ARHGEF38: variants seen among roughly 807,000 people sequenced by gnomAD.
The protein encoded by ARHGEF38 is Rho guanine nucleotide exchange factor 38.
A neutral mutation model predicts 79.9 loss-of-function variants in ARHGEF38; 79 were observed. The ratio of observed to expected loss-of-function variants is 0.99; its 90% CI spans 0.82 to 1.19. The LOEUF (loss-of-function observed/expected upper bound fraction) is 1.19, where lower values mean the gene tolerates loss of function less well. Among genes scored for constraint, ARHGEF38 ranks in the 50% most tolerant of loss-of-function variants. The pLI is 0.00. For synonymous variants in ARHGEF38, 366 were observed against 328.3 expected (o/e 1.11, Z -1.24); for missense variants, 962 against 907.2 (o/e 1.06, Z -0.78).
chr4:105,675,626 T>G (rs917986836), intron 13 of ARHGEF38, among the ~76,000 whole-genome samples: 1 of 152,220 alleles, frequency 6.6e-6, no homozygotes, highest in Non-Finnish European at 1.5e-5. Context: ...GGAGAAAAGT[T>G]TAAATGTGTG....
At chr4:105,571,121 A>G (rs780536094) in intron 1 of ARHGEF38, among the ~76,000 whole-genome samples, 2 of 152,188 alleles carry the variant, frequency 1.3e-5, no homozygotes, top group Non-Finnish European at 2.9e-5. Flanking sequence ...AACAATGTGA[A>G]TGCATTTAAT....
At chr4:105,667,019 A>G (rs1730775016) in intron 11 of ARHGEF38, 110 bp from the exon 12 acceptor site, 1 of 935,588 alleles carries the variant, frequency 1.1e-6, no homozygotes, top group Non-Finnish European at 1.6e-6. Context: ...ATCCTCTAAA[A>G]ATATATGACT....
At chr4:105,554,411 G>A (rs1725158345) in intron 1 of ARHGEF38, among the ~76,000 whole-genome samples, 1 of 152,070 alleles carries the variant, frequency 6.6e-6, no homozygotes, top group Admixed American at 6.6e-5. Context: ...TTATGTCCAT[G>A]TATGTCTAAT....
chr4:105,606,197 G>T (rs1024981971), intron 2 of ARHGEF38, among the ~76,000 whole-genome samples: 5 of 151,810 alleles, frequency 3.3e-5, no homozygotes, highest in Admixed American at 3.3e-4. Flanking sequence ...CCAGAATTGG[G>T]GCCCTATTTG....
intron 4 of ARHGEF38, among the ~76,000 whole-genome samples, chr4:105,634,139 A>T (rs1161028239): frequency 1.3e-5 from 2 of 152,172 alleles, no homozygotes; most frequent in Non-Finnish European, 2.9e-5. Flanking sequence ...CTGGTGGTCC[A>T]GTTCAGGGTC....
At chr4:105,578,907 A>T (rs1024358924) in intron 1 of ARHGEF38, among the ~76,000 whole-genome samples, 8 of 152,154 alleles carry the variant, frequency 5.3e-5, no homozygotes, top group Non-Finnish European at 1.0e-4. Flanking sequence ...TACATGTAAC[A>T]TTGAGATGTG....
At position 105,679,071 on chromosome 4, in the gene ARHGEF38, G is replaced by T; in HGVS notation, c.*1134G>T. The T allele has an allele frequency of 6.3e-6, 3 of 479,698 alleles. No individual in the cohort carries two copies. The highest frequency in any genetic ancestry group is 8.3e-5 in the South Asian group (2 of 24,090). The allele number at this position is 479,698 out of a possible 1,614,324, so 29.7% of individuals were successfully genotyped here. On this transcript the variant is annotated 3_prime_UTR_variant, in exon 14 of 14. Transcript: ENST00000420470. Reference sequence around the variant, plus strand: ...ATACTCAGTCAAAACTCCATTTGTGGCCCCCACTTCTTGATCTATTTCTGT... The same window carrying T: ...ATACTCAGTCAAAACTCCATTTGTGTCCCCCACTTCTTGATCTATTTCTGT...
At position 105,627,417 on chromosome 4, in the gene ARHGEF38, T is replaced by C. The variant is rs143763168; in HGVS notation, c.509-3481T>C. Among the ~76,000 whole-genome samples the C allele has an allele frequency of 2.3e-3, 346 of 152,260 alleles. 4 individuals carry two copies. Among genetic ancestry groups the C allele is most frequent in the South Asian group, 3.7e-3 (18 of 4,826 alleles). On this transcript the variant is annotated intron_variant, in intron 3 of 13. Coordinates refer to ENST00000420470, the MANE Select transcript of ARHGEF38 (RefSeq NM_001242729.2). ...GAGTATGGAAATAGAAAGAGTAGCA[T>C]ATGTTTATTCACATCAGTAAAGGGA... is the stretch of plus-strand genomic sequence containing the variant.
intron 3 of ARHGEF38, among the ~76,000 whole-genome samples, chr4:105,622,602 T>A (rs533630309): frequency 6.6e-6 from 1 of 152,274 alleles, no homozygotes; most frequent in East Asian, 1.9e-4. Context: ...AGGGGTTTAT[T>A]TTTCTCACGT....
chr4:105,660,151 G>T (rs1389374676), intron 10 of ARHGEF38, among the ~76,000 whole-genome samples: 1 of 151,954 alleles, frequency 6.6e-6, no homozygotes, highest in Non-Finnish European at 1.5e-5. Flanking sequence ...GAATAAACGA[G>T]GGCTATGTTT....
intron 3 of ARHGEF38, among the ~76,000 whole-genome samples, chr4:105,626,289 C>T (rs1054746121): frequency 6.6e-6 from 1 of 152,172 alleles, no homozygotes; most frequent in African/African-American, 2.4e-5. Flanking sequence ...TCATCTCTCA[C>T]ACATGTTCAA....
chr4:105,613,429 G>T lies in ARHGEF38; in HGVS notation c.430G>T (p.Val144Leu). 1.2e-6 allele frequency: 2 copies of T among 1,613,362 alleles called. No individual in the cohort carries two copies. The highest frequency in any genetic ancestry group is 1.7e-6 in the Non-Finnish European group (2 of 1,179,494). The part of the protein sequence containing the change: ...VDSLFSNIES[V>L]HQISAKLLSL... ...TAGCTTGTTTAGCAACATTGAGTCC[G>T]TGCATCAGATATCAGCCAAGCTGCT... is the stretch of plus-strand genomic sequence containing the variant. The change falls in exon 3 of 14, where the codon GTG becomes TTG. Residue 144 changes from valine (V) to leucine (L), a missense_variant. Val to Leu is a conservative substitution (Grantham distance 32). Transcript: ENST00000420470.
At chr4:105,620,070 G>A (rs1728677843) in intron 3 of ARHGEF38, among the ~76,000 whole-genome samples, 1 of 152,106 alleles carries the variant, frequency 6.6e-6, no homozygotes, top group African/African-American at 2.4e-5. Context: ...TTAAACACAG[G>A]GGCATATGCT....
At chr4:105,554,417 C>T (rs566788390) in intron 1 of ARHGEF38, among the ~76,000 whole-genome samples, 17 of 152,180 alleles carry the variant, frequency 1.1e-4, no homozygotes, top group African/African-American at 4.1e-4. Context: ...CCATGTATGT[C>T]TAATGTTTAG....
intron 1 of ARHGEF38, among the ~76,000 whole-genome samples, chr4:105,575,900 TAG>T: frequency 6.6e-6 from 1 of 152,276 alleles, no homozygotes; most frequent in East Asian, 1.9e-4. Context: ...ATTTATTAAA[TAG>T]AGTTTCCTTT....
intron 7 of ARHGEF38, 137 bp downstream of exon 7, chr4:105,648,819 CCTCTCTCT>C (rs71586108): frequency 3.5e-5 from 17 of 491,186 alleles, no homozygotes; most frequent in East Asian, 2.1e-4. Context: ...CTCTTGTCTC[CCTCTCTCT>C]CTCTCTCTCT....
chr4:105,605,170 A>T (rs1727987271), intron 2 of ARHGEF38, among the ~76,000 whole-genome samples: 1 of 152,134 alleles, frequency 6.6e-6, no homozygotes, highest in Non-Finnish European at 1.5e-5. Flanking sequence ...CAGAGAAGAG[A>T]AACAAAGGCA....
chr4:105,586,883 A>C (rs894284982), intron 1 of ARHGEF38, among the ~76,000 whole-genome samples: 5 of 151,838 alleles, frequency 3.3e-5, no homozygotes, highest in African/African-American at 1.2e-4. Context: ...GACGTCCCTC[A>C]CACCTCTCTG....
intron 1 of ARHGEF38, among the ~76,000 whole-genome samples, chr4:105,562,698 C>T (rs1725694394): frequency 6.6e-6 from 1 of 152,158 alleles, no homozygotes; most frequent in Non-Finnish European, 1.5e-5. Context: ...ACCCAGCCCA[C>T]TGAGTGAGAC....
Sources: gnomAD v4.1 joint callset for allele counts (sites outside exome capture counted in the v4.1 genomes callset) on GRCh38, gnomAD v4.1.1 for gene constraint, MANE v1.5 for transcripts, NCBI Gene and HGNC (gene_info 2026-07-23, HGNC 2026-07-21) for gene names.